PDS5B: variants seen among roughly 807,000 people sequenced by gnomAD.
PDS5B encodes the protein PDS5 cohesin associated factor B.
PDS5B carries 51 observed loss-of-function variants against 184.1 expected under a neutral mutation model. That is an observed-to-expected ratio of 0.28 (90% CI 0.22 to 0.35). The LOEUF is 0.35. Among genes scored for constraint, PDS5B ranks in the 10% least tolerant of loss-of-function variants. The pLI is 1.00. For missense variants in PDS5B, 1,180 were observed against 1,723.3 expected (o/e 0.68, Z 5.58); for synonymous variants, 566 against 569.2 (o/e 0.99, Z 0.08).
rs1034702436 is a variant in PDS5B, at chr13:32,649,224, C to G, written c.108+344C>G. ...CAACCACTTTAAGGGAGTTTTAGGT[C>G]TTTATACTGAGTAATTAGGCTGTGT... On this transcript the variant is annotated intron_variant, in intron 2 of 34. Coordinates refer to ENST00000315596, the MANE Select transcript of PDS5B (RefSeq NM_015032.4). 3 of 178,508 alleles carry G rather than the reference C, an allele frequency of 1.7e-5. No individual in the cohort carries two copies. The South Asian group carries it at 4.0e-4, about 24-fold the overall frequency. The allele number at this position is 178,508 out of a possible 1,614,324, so 11.1% of individuals were successfully genotyped here.
intron 6 of PDS5B, among the ~76,000 whole-genome samples, chr13:32,664,516 CTT>C (rs1262632554): frequency 6.6e-6 from 1 of 152,068 alleles, no homozygotes; most frequent in Non-Finnish European, 1.5e-5. Context: ...GAAGGGGAGA[CTT>C]AGTATCATAA....
At chr13:32,698,877 C>G (rs952091605) in intron 15 of PDS5B, among the ~76,000 whole-genome samples, 1 of 152,012 alleles carries the variant, frequency 6.6e-6, no homozygotes, top group African/African-American at 2.4e-5. Context: ...CTCAGCCTCC[C>G]GAGTAGCTGG....
intron 18 of PDS5B, among the ~76,000 whole-genome samples, chr13:32,708,564 C>T (rs1000713576): frequency 3.9e-5 from 6 of 151,972 alleles, no homozygotes; most frequent in Non-Finnish European, 5.9e-5. Context: ...GAAATTTTAC[C>T]GATATATAAT....
intron 1 of PDS5B, among the ~76,000 whole-genome samples, chr13:32,627,020 T>TG (rs386378735): frequency 1.3e-5 from 2 of 152,058 alleles, no homozygotes; most frequent in Non-Finnish European, 2.9e-5. Context: ...GCACTTTTTT[T>TG]TATCACATCA....
intron 19 of PDS5B, among the ~76,000 whole-genome samples, chr13:32,726,892 G>C (rs936655827): frequency 5.3e-5 from 8 of 151,980 alleles, no homozygotes; most frequent in Middle Eastern, 3.4e-3. Flanking sequence ...TTCCAGCCTG[G>C]GCAATAGAGC....
chr13:32,743,307 A>G (rs866536610), intron 23 of PDS5B, among the ~76,000 whole-genome samples: 1 of 86,040 alleles, frequency 1.2e-5, no homozygotes, highest in Non-Finnish European at 2.3e-5. Context: ...TTGGTCCCTC[A>G]GTTTCCTTAC....
rs147261717 is a variant in PDS5B, at chr13:32,607,852, C to T, written c.-20+21259C>T. Among the ~76,000 whole-genome samples the T allele has an allele frequency of 8.7e-4, 133 of 152,330 alleles. 2 individuals are homozygous for T. The highest frequency in any genetic ancestry group is 1.9e-3 in the Admixed American group (29 of 15,298). On this transcript the variant is annotated intron_variant, in intron 1 of 34. Coordinates refer to ENST00000315596, the MANE Select transcript of PDS5B (RefSeq NM_015032.4). The stretch of plus-strand genomic sequence containing the variant: ...AGTGAGGCTCCGTGGGTGTGGGACC[C>T]GCTGAGCCAGGTGCGGGATATAATC...
At chr13:32,652,823 TG>T (rs1363831208) in intron 3 of PDS5B, among the ~76,000 whole-genome samples, 2 of 151,658 alleles carry the variant, frequency 1.3e-5, no homozygotes, top group Admixed American at 1.3e-4. Flanking sequence ...ATGTGGTACT[TG>T]GTTACAGTAA....
intron 11 of PDS5B, among the ~76,000 whole-genome samples, chr13:32,684,985 C>T (rs1312242078): frequency 6.6e-6 from 1 of 152,068 alleles, no homozygotes; most frequent in Non-Finnish European, 1.5e-5. Flanking sequence ...TGGTGGCGGG[C>T]GCCTGTAGTC....
chr13:32,771,572 C>CA (rs1566434208), intron 33 of PDS5B, among the ~76,000 whole-genome samples: 2 of 151,988 alleles, frequency 1.3e-5, no homozygotes, highest in African/African-American at 4.8e-5. Context: ...ATTAAATACT[C>CA]AATTATCTTA....
intron 18 of PDS5B, among the ~76,000 whole-genome samples, chr13:32,707,455 A>G (rs563405433): frequency 1.3e-5 from 2 of 152,106 alleles, no homozygotes; most frequent in East Asian, 1.9e-4. Flanking sequence ...TAGGTTGATC[A>G]TACATAAACA....
chr13:32,687,060 T>A, intron 11 of PDS5B, 74 bp from the exon 12 acceptor site: 1 of 1,176,254 alleles, frequency 8.5e-7, no homozygotes, highest in Non-Finnish European at 1.2e-6. Context: ...AACACAAAAC[T>A]AGGAAACTAG....
chr13:32,722,589 C>T (rs1952756318), intron 19 of PDS5B, among the ~76,000 whole-genome samples: 1 of 152,162 alleles, frequency 6.6e-6, no homozygotes, highest in African/African-American at 2.4e-5. Flanking sequence ...GTTCTCACAA[C>T]AATGAAATCA....
intron 1 of PDS5B, among the ~76,000 whole-genome samples, chr13:32,641,790 AT>A (rs1454905860): frequency 3.9e-5 from 6 of 152,170 alleles, no homozygotes; most frequent in African/African-American, 1.4e-4. Flanking sequence ...TGTTCTAAAA[AT>A]ATTTTCTCAT....
Position 32,658,275 on chromosome 13 carries a change from C to T in PDS5B, c.349C>T (p.Leu117=), listed in dbSNP as rs767165090. 20 of 1,520,560 alleles carry T rather than the reference C, an allele frequency of 1.3e-5. No individual in the cohort carries two copies. The highest frequency in any genetic ancestry group is 1.8e-5 in the Non-Finnish European group (20 of 1,098,960). The allele number at this position is 1,520,560 out of a possible 1,614,324, so 94.2% of individuals were successfully genotyped here. ...FMFITRQLKG[L]EDTKSPQFNR... is the part of the protein sequence containing the mutation. ...GTTTATAACAAGACAGTTGAAGGGG[C>T]TAGAGGATACAAAGAGCCCACAATT... The change falls in exon 4 of 35, where the codon CTA becomes TTA. Residue 117 remains leucine, a synonymous_variant. Transcript: ENST00000315596.
intron 19 of PDS5B, among the ~76,000 whole-genome samples, chr13:32,731,708 A>T (rs888033943): frequency 2.6e-5 from 4 of 152,112 alleles, no homozygotes; most frequent in Non-Finnish European, 5.9e-5. Flanking sequence ...ATGAAAGGTG[A>T]ATTGGAAGAG....
intron 30 of PDS5B, among the ~76,000 whole-genome samples, chr13:32,763,021 T>A (rs1464973647): frequency 6.6e-6 from 1 of 152,210 alleles, no homozygotes; most frequent in Non-Finnish European, 1.5e-5. Flanking sequence ...TCTTTAAACT[T>A]TCTTTCAATG....
At chr13:32,772,698 T>C (rs1482291191) in intron 33 of PDS5B, among the ~76,000 whole-genome samples, 1 of 152,168 alleles carries the variant, frequency 6.6e-6, no homozygotes, top group Non-Finnish European at 1.5e-5. Context: ...TAGGGAGCAG[T>C]AACATCATCT....
In PDS5B at chr13:32,673,296, C is replaced by G. The variant is rs2140761227; in HGVS notation, c.786C>G (p.Leu262=). Residue 262 remains leucine (L), a synonymous_variant, in exon 8 of 35, where the codon CTC becomes CTG. Coordinates refer to ENST00000315596, the MANE Select transcript of PDS5B (RefSeq NM_015032.4). ...SEHVFDLILE[L]YNIDSHLLLS... is the part of the protein sequence containing the mutation. ...ATGTCTTTGACTTAATTTTGGAGCT[C>G]TACAATATTGATAGTCATTTGCTGC... 1 of 1,612,968 alleles carries G rather than the reference C, an allele frequency of 6.2e-7. No homozygotes were observed.
Sources: allele counts gnomAD v4.1 joint callset (sites outside exome capture counted in the v4.1 genomes callset), GRCh38; gene constraint gnomAD v4.1.1; transcripts MANE v1.5; gene names NCBI Gene and HGNC (gene_info 2026-07-23, HGNC 2026-07-21).